ME1: variants seen among roughly 807,000 people sequenced by gnomAD.
The protein encoded by ME1 is NADP-dependent malic enzyme.
In ME1, 74 loss-of-function variants were observed where a neutral mutation model predicts 66.4. That is an observed-to-expected ratio of 1.11 (90% CI 0.92 to 1.35). The LOEUF (loss-of-function observed/expected upper bound fraction) is 1.35. Ranked by LOEUF, ME1 falls within the 40% of genes most tolerant of loss-of-function variation. The pLI is 0.00. For synonymous variants in ME1, 251 were observed against 235.6 expected, an observed-to-expected ratio of 1.07 and a Z score of -0.60; for missense variants, 750 against 694.1, an observed-to-expected ratio of 1.08 and a Z score of -0.90.
chr6:83,267,966 C>T (rs1274551608), intron 6 of ME1, among the ~76,000 whole-genome samples: 2 of 152,116 alleles, frequency 1.3e-5, no homozygotes, highest in African/African-American at 4.8e-5. Context: ...TCACATTCTT[C>T]TTTTTTTCAT....
At chr6:83,259,981 G>C (rs1410518512) in intron 6 of ME1, among the ~76,000 whole-genome samples, 4 of 152,018 alleles carry the variant, frequency 2.6e-5, no homozygotes, top group Non-Finnish European at 5.9e-5. Flanking sequence ...TATCTCTGCT[G>C]CTGATCTTTC....
At chr6:83,365,039 A>T (rs1420246581) in intron 3 of ME1, among the ~76,000 whole-genome samples, 2 of 152,058 alleles carry the variant, frequency 1.3e-5, no homozygotes, top group Non-Finnish European at 2.9e-5. Context: ...TCCTACACAG[A>T]TTCTCCTCTC....
At chr6:83,370,687 G>C (rs1340574461) in intron 3 of ME1, among the ~76,000 whole-genome samples, 1 of 151,980 alleles carries the variant, frequency 6.6e-6, no homozygotes, top group Non-Finnish European at 1.5e-5. Flanking sequence ...ATGAAGTAAA[G>C]GGGAAAAAAG....
intron 5 of ME1, among the ~76,000 whole-genome samples, chr6:83,344,888 AT>A (rs529649223): frequency 1.6e-4 from 24 of 151,980 alleles, no homozygotes; most frequent in South Asian, 1.2e-3. Context: ...TCAAAAAAAA[AT>A]AAAATAAAAT....
intron 6 of ME1, among the ~76,000 whole-genome samples, chr6:83,279,907 G>A (rs1237559483): frequency 6.6e-6 from 1 of 152,114 alleles, no homozygotes; most frequent in East Asian, 1.9e-4. Flanking sequence ...ACAGGAAGAC[G>A]AATAAGGATT....
chr6:83,313,106 C>T (rs931288636), intron 6 of ME1, among the ~76,000 whole-genome samples: 3 of 152,106 alleles, frequency 2.0e-5, no homozygotes, highest in Non-Finnish European at 4.4e-5. Flanking sequence ...GTCTAGGTAA[C>T]CTGTAACAAT....
At chr6:83,369,743 C>A (rs997542350) in intron 3 of ME1, among the ~76,000 whole-genome samples, 24 of 150,880 alleles carry the variant, frequency 1.6e-4, no homozygotes, top group Admixed American at 1.6e-3. Flanking sequence ...GAAATCCAAT[C>A]CATAGAAAAC....
chr6:83,330,519 C>A (rs1425745065), intron 5 of ME1, among the ~76,000 whole-genome samples: 1 of 152,160 alleles, frequency 6.6e-6, no homozygotes, highest in Non-Finnish European at 1.5e-5. Context: ...GCATTCTTAA[C>A]ACATGCCCCT....
rs1480575292 is a variant in ME1, at chr6:83,352,053, T to C, written c.438+11A>G. 6.3e-7 allele frequency: 1 copy of C among 1,574,864 alleles called. No individual in the cohort carries two copies. Among genetic ancestry groups the C allele is most frequent in the East Asian group, 2.3e-5 (1 of 43,962 alleles). On this transcript the variant is annotated intron_variant, in intron 4 of 13. Coordinates refer to ENST00000369705, the MANE Select transcript of ME1 (RefSeq NM_002395.6). ...AAAAATTTGCTATAGTGGAAAAACA[T>C]GATAACTTACCTTGATGACATCTTC...
rs140542233 is a variant in ME1, at chr6:83,303,459, G to C, written c.704+11851C>G. On this transcript the variant is annotated intron_variant, in intron 6 of 13. Transcript: ENST00000369705. ...TTATTTAACTTGCCAATTGTCTCTT[G>C]AGCTCTTTATGAAATAAACTTTGGG... 2.4e-3 allele frequency among the ~76,000 whole-genome samples: 368 copies of C among 152,186 alleles called. 1 individual carries two copies. The highest frequency in any genetic ancestry group is 4.3e-3 in the Admixed American group (65 of 15,264).
At chr6:83,332,033 G>T (rs1243001351) in intron 5 of ME1, among the ~76,000 whole-genome samples, 1 of 152,034 alleles carries the variant, frequency 6.6e-6, no homozygotes, top group Non-Finnish European at 1.5e-5. Flanking sequence ...AACATGACAT[G>T]TTCTAAAGAA....
chr6:83,254,019 G>A (rs959568605), intron 6 of ME1, among the ~76,000 whole-genome samples: 2 of 152,076 alleles, frequency 1.3e-5, no homozygotes, highest in Non-Finnish European at 2.9e-5. Context: ...AATTTTTGAA[G>A]TAAATAAGAA....
chr6:83,342,960 A>T (rs1447721307), intron 5 of ME1, among the ~76,000 whole-genome samples: 1 of 152,192 alleles, frequency 6.6e-6, no homozygotes. Context: ...CTGGGATTAC[A>T]GATAGGAGCC....
Position 83,398,404 on chromosome 6 carries a change from C to T in ME1, c.325G>A (p.Ala109Thr), listed in dbSNP as rs1338480229. Reference sequence around the variant, plus strand: ...AACACCAAACTATATTGTTGGCAAGCCAGACCCACAGTGGGAGTATAAACA... The same window carrying T: ...AACACCAAACTATATTGTTGGCAAGTCAGACCCACAGTGGGAGTATAAACA... ...PIVYTPTVGLACQQYSLVFRK... is the reference protein window; with the variant it reads ...PIVYTPTVGLTCQQYSLVFRK... Residue 109 changes from alanine to threonine, a missense_variant, in exon 3 of 14, where the codon GCT (alanine) becomes ACT (threonine). Ala to Thr is a moderately conservative substitution (Grantham distance 58, BLOSUM62 0). Transcript: ENST00000369705. 6.3e-7 allele frequency: 1 copy of T among 1,596,876 alleles called. No homozygotes were observed. Among genetic ancestry groups the T allele is most frequent in the Middle Eastern group, 1.7e-4 (1 of 6,012 alleles).
At chr6:83,319,223 C>T (rs991216976) in intron 5 of ME1, among the ~76,000 whole-genome samples, 1 of 151,144 alleles carries the variant, frequency 6.6e-6, no homozygotes, top group Non-Finnish European at 1.5e-5. Context: ...TTAGTGGGTG[C>T]AGCGCACCAG....
intron 1 of ME1, among the ~76,000 whole-genome samples, chr6:83,418,646 T>A (rs1173725052): frequency 1.3e-5 from 2 of 152,148 alleles, no homozygotes; most frequent in Non-Finnish European, 2.9e-5. Flanking sequence ...AAATTAATCA[T>A]CACACTCACA....
intron 9 of ME1, among the ~76,000 whole-genome samples, chr6:83,235,186 T>A (rs1790376308): frequency 6.6e-6 from 1 of 152,212 alleles, no homozygotes; most frequent in Non-Finnish European, 1.5e-5. Context: ...ATCTTTTTCC[T>A]TAGTGCAGTT....
intron 7 of ME1, among the ~76,000 whole-genome samples, chr6:83,245,482 T>C (rs1180206): frequency 0.42 from 63,926 of 151,868 alleles, 13,781 homozygotes; most frequent in Middle Eastern, 0.55. Context: ...CTCGGCTCAC[T>C]GCAACCTCTG....
At chr6:83,324,243 C>A (rs1768238271) in intron 5 of ME1, among the ~76,000 whole-genome samples, 2 of 151,636 alleles carry the variant, frequency 1.3e-5, no homozygotes, top group South Asian at 4.2e-4. Flanking sequence ...GGGGAAAGAT[C>A]TAAAATTGAC....
Sources: allele counts gnomAD v4.1 joint callset (sites outside exome capture counted in the v4.1 genomes callset), GRCh38; gene constraint gnomAD v4.1.1; transcripts MANE v1.5; gene names NCBI Gene and HGNC (gene_info 2026-07-23, HGNC 2026-07-21).